Variants in CCDC25 observed in about 807,000 individuals in gnomAD.
CCDC25 encodes coiled-coil domain-containing protein 25.
A neutral mutation model predicts 35.3 loss-of-function variants in CCDC25; 16 were observed. That is an observed-to-expected ratio of 0.45 (90% CI 0.31 to 0.69). The LOEUF (loss-of-function observed/expected upper bound fraction) is 0.69, where lower values mean the gene tolerates loss of function less well. Among genes scored for constraint, CCDC25 ranks in the 30% least tolerant of loss-of-function variants. CCDC25 has a pLI of 0.06. For missense variants in CCDC25, 179 were observed against 250.7 expected (o/e 0.71, Z 1.93); for synonymous variants, 79 against 80.3 (o/e 0.98, Z 0.09).
chr8:27,734,190 C>T lies in CCDC25; in HGVS notation c.*2026G>A, dbSNP rs1585331709. 1 of 152,118 alleles carries T rather than the reference C, an allele frequency of 6.6e-6. No homozygotes were observed. Among genetic ancestry groups the T allele is most frequent in the Non-Finnish European group, 1.5e-5 (1 of 68,032 alleles). The allele number at this position is 152,118 out of a possible 1,614,324, so 9.4% of individuals were successfully genotyped here. A position where few individuals can be genotyped will look rare whatever the true frequency, so the allele number is the denominator to read the frequency against. Reference sequence around the variant, plus strand: ...AACCACGGTGACAAAGCTCCCTTGCCCAAAGATCGTGAGCCTAGACAAAGG... The same window carrying T: ...AACCACGGTGACAAAGCTCCCTTGCTCAAAGATCGTGAGCCTAGACAAAGG... On this transcript the variant is annotated 3_prime_UTR_variant, in exon 9 of 9. Coordinates refer to ENST00000356537, the MANE Select transcript of CCDC25 (RefSeq NM_018246.3).
chr8:27,769,898 T>G (rs1437731746), intron 1 of CCDC25, among the ~76,000 whole-genome samples: 1 of 152,206 alleles, frequency 6.6e-6, no homozygotes, highest in Non-Finnish European at 1.5e-5. Context: ...TCCTAGCACT[T>G]TGGAAGGCCG....
chr8:27,764,451 T>A (rs187989631), intron 2 of CCDC25: 10 of 383,596 alleles, frequency 2.6e-5, no homozygotes, highest in East Asian at 2.2e-4. Flanking sequence ...TCTTTTATTG[T>A]TGTTTTTTGT....
intron 7 of CCDC25, among the ~76,000 whole-genome samples, chr8:27,743,496 T>C (rs757507131): frequency 6.6e-6 from 1 of 152,276 alleles, no homozygotes; most frequent in Non-Finnish European, 1.5e-5. Flanking sequence ...TCCTGCATTT[T>C]GCCTTGCTGC....
chr8:27,752,769 A>G (rs561738324), intron 4 of CCDC25, among the ~76,000 whole-genome samples, 182 bp from the exon 5 acceptor site: 65 of 151,960 alleles, frequency 4.3e-4, no homozygotes, highest in Non-Finnish European at 7.6e-4. Flanking sequence ...TTTGTTTAAA[A>G]TAAGAGAAGG....
chr8:27,746,840 G>A (rs767855109), intron 7 of CCDC25, among the ~76,000 whole-genome samples: 2 of 152,032 alleles, frequency 1.3e-5, no homozygotes, highest in Non-Finnish European at 2.9e-5. Flanking sequence ...ACGTGCATGC[G>A]AATAATAAAT....
intron 2 of CCDC25, among the ~76,000 whole-genome samples, chr8:27,763,597 A>G (rs1009462069): frequency 1.3e-5 from 2 of 152,188 alleles, no homozygotes; most frequent in Non-Finnish European, 2.9e-5. Context: ...ACGTGCCTGT[A>G]GCCCCAGCCA....
chr8:27,767,042 T>C lies in CCDC25; in HGVS notation c.29-1791A>G, dbSNP rs1350487146. 2.0e-5 allele frequency among the ~76,000 whole-genome samples: 3 copies of C among 152,298 alleles called. 1 individual carries two copies. On this transcript the variant is annotated intron_variant, in intron 1 of 8. Coordinates refer to ENST00000356537, the MANE Select transcript of CCDC25 (RefSeq NM_018246.3). Reference sequence around the variant, plus strand: ...GTTAGCCTGCTATAAAACATACAGATGGCTTTTGTAATTAGAACAGAATTT... The same window carrying C: ...GTTAGCCTGCTATAAAACATACAGACGGCTTTTGTAATTAGAACAGAATTT...
intron 5 of CCDC25, among the ~76,000 whole-genome samples, chr8:27,752,026 T>G (rs1042341768): frequency 6.6e-6 from 1 of 151,928 alleles, no homozygotes; most frequent in African/African-American, 2.4e-5. Flanking sequence ...ACTTCGCAAT[T>G]TAAGAGGGAA....
Position 27,748,076 on chromosome 8 carries a change from C to A in CCDC25, c.551+1G>T. The A allele has an allele frequency of 6.2e-7, 1 of 1,611,514 alleles. No homozygotes were observed. Among genetic ancestry groups the A allele is most frequent in the Non-Finnish European group, 8.5e-7 (1 of 1,179,548 alleles). ...GTCTCAATGCCACAGCTCCGACATA[C>A]CTAAGTTCATCCATTTCCCTCTTCT... On this transcript the variant is annotated splice_donor_variant, in intron 7 of 8. Coordinates refer to ENST00000356537, the MANE Select transcript of CCDC25 (RefSeq NM_018246.3). LOFTEE classifies it high-confidence loss of function.
rs769112628 is a variant in CCDC25 at position 27,767,331 on chromosome 8, A to G, written c.29-2080T>C. On this transcript the variant is annotated intron_variant, in intron 1 of 8. Coordinates refer to ENST00000356537, the MANE Select transcript of CCDC25 (RefSeq NM_018246.3). ...CAGCGAGCCAAGATCATGCCACTGC[A>G]CTCCAGCCTGAGTGACAGCAAGACT... Among the ~76,000 whole-genome samples the G allele has an allele frequency of 1.8e-4, 28 of 152,184 alleles. 2 individuals are homozygous for G. The highest frequency in any genetic ancestry group is 7.3e-5 in the Non-Finnish European group (5 of 68,036).
intron 1 of CCDC25, among the ~76,000 whole-genome samples, chr8:27,767,966 C>T (rs1804456605): frequency 6.6e-6 from 1 of 152,068 alleles, no homozygotes; most frequent in Non-Finnish European, 1.5e-5. Context: ...CTTTGGGAGG[C>T]TGAGGCAGGT....
At chr8:27,767,941 T>C (rs917303526) in intron 1 of CCDC25, among the ~76,000 whole-genome samples, 3 of 152,120 alleles carry the variant, frequency 2.0e-5, no homozygotes, top group Non-Finnish European at 2.9e-5. Context: ...GTGGCTCACG[T>C]CTGTAATCCC....
chr8:27,750,061 A>T (rs1321061827), intron 5 of CCDC25, among the ~76,000 whole-genome samples: 3 of 152,204 alleles, frequency 2.0e-5, no homozygotes, highest in African/African-American at 7.2e-5. Context: ...GGACACAAAC[A>T]TGACCAGACA....
At chr8:27,769,274 A>C (rs532332333) in intron 1 of CCDC25, among the ~76,000 whole-genome samples, 80 of 152,342 alleles carry the variant, frequency 5.3e-4, no homozygotes, top group Middle Eastern at 3.4e-3. Flanking sequence ...TTCTAACAGG[A>C]AACAGTTCTG....
intron 7 of CCDC25, among the ~76,000 whole-genome samples, chr8:27,741,905 G>T (rs919242668): frequency 3.9e-5 from 6 of 152,242 alleles, no homozygotes; most frequent in Non-Finnish European, 5.9e-5. Flanking sequence ...GAGATAAGAA[G>T]ATATGCCAGG....
Position 27,760,400 on chromosome 8 carries a change from T to C in CCDC25, c.116+2019A>G, listed in dbSNP as rs574360072. Among the ~76,000 whole-genome samples the C allele has an allele frequency of 2.8e-4, 42 of 152,310 alleles. No individual in the cohort carries two copies. In the South Asian group the frequency reaches 8.3e-3, roughly 30 times the overall value. Reference sequence around the variant, plus strand: ...GCTAACTGCCTAACAGGTGCAGCCATTCTTATTCCCATGAGAGTCTGGAGA... The same window carrying C: ...GCTAACTGCCTAACAGGTGCAGCCACTCTTATTCCCATGAGAGTCTGGAGA... On this transcript the variant is annotated intron_variant, in intron 3 of 8. Transcript: ENST00000356537.
chr8:27,736,633 C>T (rs1052105540), intron 8 of CCDC25, among the ~76,000 whole-genome samples: 3 of 152,216 alleles, frequency 2.0e-5, no homozygotes, highest in Non-Finnish European at 4.4e-5. Flanking sequence ...TGCCAATATG[C>T]AAACTGATTC....
chr8:27,752,463 C>T (rs779977514), intron 5 of CCDC25, 49 bp downstream of exon 5: 1 of 1,383,558 alleles, frequency 7.2e-7, no homozygotes. Flanking sequence ...CCATTTCAGA[C>T]ACAGAGAAAG....
rs779685602 is a variant in CCDC25 at position 27,736,085 on chromosome 8, C to T, written c.*131G>A. 2 of 797,530 alleles carry T rather than the reference C, an allele frequency of 2.5e-6. No homozygotes were observed. Among genetic ancestry groups the T allele is most frequent in the Non-Finnish European group, 3.9e-6 (2 of 511,560 alleles). 49.4% of individuals were successfully genotyped at this position (797,530 alleles called of 1,614,324 possible). On this transcript the variant is annotated 3_prime_UTR_variant, in exon 9 of 9. Coordinates refer to ENST00000356537, the MANE Select transcript of CCDC25 (RefSeq NM_018246.3). ...TACAATTTTTTTAAAACTTGAAAAT[C>T]AATAATTTCTGGGTAGGATGAAGGT... is the stretch of plus-strand genomic sequence containing the variant.
Sources: gnomAD v4.1 joint callset for allele counts (sites outside exome capture counted in the v4.1 genomes callset) on GRCh38, gnomAD v4.1.1 for gene constraint, MANE v1.5 for transcripts, NCBI Gene and HGNC (gene_info 2026-07-23, HGNC 2026-07-21) for gene names.